Variants in AFDN observed in about 807,000 individuals in gnomAD.
AFDN encodes afadin, adherens junction formation factor.
A neutral mutation model predicts 216.6 loss-of-function variants in AFDN; 68 were observed. The ratio of observed to expected loss-of-function variants is 0.31; its 90% CI spans 0.26 to 0.38. The LOEUF is 0.38. Among genes scored for constraint, AFDN ranks in the 10% least tolerant of loss-of-function variants. AFDN has a pLI of 1.00. For missense variants in AFDN, 2,136 were observed against 2,342.0 expected, an observed-to-expected ratio of 0.91 and a Z score of 1.82; for synonymous variants, 868 against 853.7, an observed-to-expected ratio of 1.02 and a Z score of -0.29.
At chr6:167,903,740 A>G (rs1789286113) in intron 12 of AFDN, among the ~76,000 whole-genome samples, 1 of 152,130 alleles carries the variant, frequency 6.6e-6, no homozygotes, top group Non-Finnish European at 1.5e-5. Context: ...GGAAAAAAAA[A>G]TCATCTATGC....
At position 167,890,921 on chromosome 6, in the gene AFDN, A is replaced by G; in HGVS notation, c.1069A>G (p.Lys357Glu). Residue 357 changes from lysine (K) to glutamate (E), a missense_variant, in exon 8 of 34, where the codon AAA becomes GAA. This residue lies in a region of AFDN where 817 missense variants were observed against 965.7 expected (regional missense o/e 0.85). Transcript: ENST00000683244. ...AGACCACATCCCAAAGAAAACCAAG[A>G]AACACTTGGAAGGCAAGACACCCAA... ...PPDHIPKKTK[K>E]HLEGKTPKGK... 2 of 1,614,096 alleles carry G rather than the reference A, an allele frequency of 1.2e-6. No individual in the cohort carries two copies. Among genetic ancestry groups the G allele is most frequent in the African/African-American group, 1.3e-5 (1 of 75,032 alleles).
intron 23 of AFDN, among the ~76,000 whole-genome samples, chr6:167,936,769 C>CAGGG (rs1468195252): frequency 6.6e-6 from 1 of 152,138 alleles, no homozygotes; most frequent in Non-Finnish European, 1.5e-5. Flanking sequence ...CATTCCAGTC[C>CAGGG]TGCACTGCCA....
chr6:167,925,518 C>T (rs1410685103), intron 23 of AFDN, among the ~76,000 whole-genome samples: 2 of 152,162 alleles, frequency 1.3e-5, no homozygotes, highest in African/African-American at 4.8e-5. Context: ...CCGCTAAGGA[C>T]TTTGCTACAC....
At position 167,877,473 on chromosome 6, in the gene AFDN, A is replaced by G. The variant is rs181555566; in HGVS notation, c.739+1978A>G. Among the ~76,000 whole-genome samples, 143 of 152,270 alleles carry G rather than the reference A, an allele frequency of 9.4e-4. No individual in the cohort carries two copies. In the Middle Eastern group the frequency reaches 0.024, roughly 25 times the overall value. On this transcript the variant is annotated intron_variant, in intron 5 of 33. Coordinates refer to ENST00000683244, the MANE Select transcript of AFDN (RefSeq NM_001386888.1). ...GGAAAAGCTGCAAAGAATTAGGAGG[A>G]GAAATAGCAGAACATCAAAGTACAG...
chr6:167,955,482 G>C (rs73036607), intron 30 of AFDN, among the ~76,000 whole-genome samples: 2,990 of 152,102 alleles, frequency 0.02, 53 homozygotes, highest in Non-Finnish European at 0.033. Context: ...ATGTACATAA[G>C]TGTAGCTGGA....
At chr6:167,900,697 C>T (rs993502545) in intron 11 of AFDN, among the ~76,000 whole-genome samples, 2 of 152,160 alleles carry the variant, frequency 1.3e-5, no homozygotes, top group Non-Finnish European at 2.9e-5. Flanking sequence ...TACTCACATA[C>T]TACCCACAAG....
At chr6:167,909,086 A>G (rs1242364766) in intron 13 of AFDN, among the ~76,000 whole-genome samples, 3 of 152,172 alleles carry the variant, frequency 2.0e-5, no homozygotes, top group South Asian at 4.1e-4. Context: ...TTTATGAGAT[A>G]TATAACTGCC....
rs373498325 is a variant in AFDN at position 167,839,077 on chromosome 6, A to T, written c.105+11840A>T. ...TTTTTTTTTAACCAAGTGGCACCCA[A>T]CCATGAAGTGCTACCTGTTTATAAT... On this transcript the variant is annotated intron_variant, in intron 1 of 33. Transcript: ENST00000683244. Among the ~76,000 whole-genome samples, 597 of 152,286 alleles carry T rather than the reference A, an allele frequency of 3.9e-3. 4 individuals carry two copies. The highest frequency in any genetic ancestry group is 0.014 in the African/African-American group (575 of 41,558).
At chr6:167,834,457 G>A (rs868215064) in intron 1 of AFDN, among the ~76,000 whole-genome samples, 2 of 75,256 alleles carry the variant, frequency 2.7e-5, no homozygotes, top group African/African-American at 1.0e-4. Flanking sequence ...TGTTGTTTCG[G>A]TTTTTTTTTT....
intron 6 of AFDN, among the ~76,000 whole-genome samples, chr6:167,881,107 CTT>C (rs1468578118): frequency 6.6e-6 from 1 of 152,140 alleles, no homozygotes; most frequent in Non-Finnish European, 1.5e-5. Context: ...GAGTGTATCT[CTT>C]TATTTACTTA....
At chr6:167,916,850 A>G (rs1168899349) in intron 19 of AFDN, among the ~76,000 whole-genome samples, 1 of 152,182 alleles carries the variant, frequency 6.6e-6, no homozygotes, top group Non-Finnish European at 1.5e-5. Flanking sequence ...ACATAAATCT[A>G]ATTATACATG....
chr6:167,910,416 A>C (rs1790240553), intron 13 of AFDN, among the ~76,000 whole-genome samples: 1 of 152,256 alleles, frequency 6.6e-6, no homozygotes. Flanking sequence ...GCACAATGCT[A>C]GTTTTTATAA....
At chr6:167,926,389 C>G (rs959439344) in intron 23 of AFDN, among the ~76,000 whole-genome samples, 11 of 152,260 alleles carry the variant, frequency 7.2e-5, no homozygotes, top group African/African-American at 2.7e-4. Flanking sequence ...AGTACACAGG[C>G]TTTGCCTGGC....
intron 23 of AFDN, among the ~76,000 whole-genome samples, chr6:167,938,361 A>C (rs950082002): frequency 4.6e-5 from 7 of 152,204 alleles, no homozygotes; most frequent in African/African-American, 1.7e-4. Flanking sequence ...GAATTTTTAC[A>C]GCAGCTGGCA....
At chr6:167,894,842 A>G (rs1210006173) in intron 9 of AFDN, among the ~76,000 whole-genome samples, 6 of 152,218 alleles carry the variant, frequency 3.9e-5, no homozygotes, top group Admixed American at 3.3e-4. Flanking sequence ...TTTCAGAAGC[A>G]TTCAGAATTC....
At chr6:167,853,944 G>A (rs535791602) in intron 1 of AFDN, among the ~76,000 whole-genome samples, 5 of 151,880 alleles carry the variant, frequency 3.3e-5, no homozygotes, top group African/African-American at 4.8e-5. Flanking sequence ...ATAGCCTTTC[G>A]CATTTCATAT....
chr6:167,832,732 T>A (rs568894016), intron 1 of AFDN, among the ~76,000 whole-genome samples: 2 of 152,226 alleles, frequency 1.3e-5, no homozygotes, highest in Non-Finnish European at 2.9e-5. Flanking sequence ...TGGAATAGTT[T>A]ACTATGGCTG....
At chr6:167,963,888 G>A (rs1797276982) in intron 31 of AFDN, 7 of 1,064,060 alleles carry the variant, frequency 6.6e-6, no homozygotes, top group Admixed American at 5.4e-5. Context: ...CCATGAAAGC[G>A]CTCCCTGGCT....
rs114534097 is a variant in AFDN, at chr6:167,927,570, G to A, written c.3099+2479G>A. ...AGGATGGATTAGAAGAACCTGGGAC[G>A]AAAGGTGGGCATCTGTTCAGGAGTT... On this transcript the variant is annotated intron_variant, in intron 23 of 33. Transcript: ENST00000683244. Among the ~76,000 whole-genome samples, 1,067 of 152,256 alleles carry A rather than the reference G, an allele frequency of 7.0e-3. 16 individuals carry two copies. The highest frequency in any genetic ancestry group is 0.024 in the African/African-American group (1,015 of 41,524).
Sources: gnomAD v4.1 joint callset for allele counts (sites outside exome capture counted in the v4.1 genomes callset) on GRCh38, gnomAD v4.1.1 for gene constraint, gnomAD v4.1.1 regional missense constraint, MANE v1.5 for transcripts, NCBI Gene and HGNC (gene_info 2026-07-23, HGNC 2026-07-21) for gene names.